The following TEX11 variants were observed in gnomAD, a reference collection of about 807,000 sequenced individuals.
TEX11 encodes testis-expressed protein 11.
A neutral mutation model predicts 84.4 loss-of-function variants in TEX11; 7 were observed. The observed-to-expected ratio is 0.08, with a 90% CI of 0.05 to 0.16. TEX11 has a LOEUF of 0.16. Among genes scored for constraint, TEX11 ranks in the 10% least tolerant of loss-of-function variants. The pLI is 1.00. For synonymous variants in TEX11, 264 were observed against 222.8 expected (o/e 1.18, Z -1.64); for missense variants, 551 against 660.5 (o/e 0.83, Z 1.82).
chrX:70,595,229 C>T (rs1236943723), intron 24 of TEX11, among the ~76,000 whole-genome samples: 1 of 110,276 alleles, frequency 9.1e-6, no homozygotes, highest in Non-Finnish European at 1.9e-5. Flanking sequence ...TTATAGGCAC[C>T]TGCCACCATG....
rs1343605487 is a variant in TEX11, at chrX:70,673,891, A to G, written c.1243-3377T>C. Among the ~76,000 whole-genome samples, 3 of 111,086 alleles carry G rather than the reference A, an allele frequency of 2.7e-5. No homozygotes were observed. The East Asian group carries it at 8.5e-4, about 31-fold the overall frequency. On this transcript the variant is annotated intron_variant, in intron 15 of 29. Transcript: ENST00000374333. ...TATTCTCTCTCAGGTTGTTTTGGCT[A>G]TTTTCTTTTTATAATTTTTATTTTA...
intron 27 of TEX11, 77 bp from the exon 28 acceptor site, chrX:70,552,323 G>A: frequency 8.9e-7 from 1 of 1,119,721 alleles, no homozygotes; most frequent in African/African-American, 1.8e-5. Flanking sequence ...GTAAAACCTG[G>A]ATCTCATCCC....
At chrX:70,569,812 C>T (rs12012945) in intron 25 of TEX11, among the ~76,000 whole-genome samples, 14,245 of 110,521 alleles carry the variant, frequency 0.13, 759 homozygotes, top group Middle Eastern at 0.19. Context: ...GTCAGTCTGC[C>T]CCTACTGGGG....
intron 29 of TEX11, among the ~76,000 whole-genome samples, 168 bp from the exon 30 acceptor site, chrX:70,529,355 A>G (rs2087855424): frequency 8.9e-6 from 1 of 112,282 alleles, no homozygotes; most frequent in African/African-American, 3.2e-5. Flanking sequence ...GGAATCCCCT[A>G]TTATAAGGGA....
intron 15 of TEX11, 106 bp downstream of exon 15, chrX:70,678,698 A>T (rs775827305): frequency 6.7e-6 from 4 of 593,548 alleles, no homozygotes; most frequent in South Asian, 6.1e-5. Context: ...GTATCTAAAC[A>T]GACAGAGATT....
chrX:70,691,359 G>A (rs1173690338), intron 13 of TEX11, among the ~76,000 whole-genome samples: 1 of 111,975 alleles, frequency 8.9e-6, no homozygotes, highest in Non-Finnish European at 1.9e-5. Context: ...ACAGATATTT[G>A]TGCACTCATA....
chrX:70,514,938 C>A, the TEX11 span, among the ~76,000 whole-genome samples: 1 of 107,975 alleles, frequency 9.3e-6, no homozygotes, highest in Non-Finnish European at 1.9e-5. Context: ...CGTGGTGGGA[C>A]GCGCCTGTAA....
In TEX11 at chrX:70,860,878, T is replaced by C; in HGVS notation, c.303A>G (p.Gln101=). The C allele has an allele frequency of 6.7e-6, 8 of 1,194,365 alleles. No homozygotes were observed. The highest frequency in any genetic ancestry group is 7.9e-6 in the Non-Finnish European group (7 of 887,384). The part of the protein sequence containing the change: ...SMCEASFASE[Q]SIQRLIMMNM... Reference sequence around the variant, plus strand: ...TTACCATAATCAGTCGTTGAATACTTTGTTCTGAGGCAAATGAGGCTTCAC... The same window carrying C: ...TTACCATAATCAGTCGTTGAATACTCTGTTCTGAGGCAAATGAGGCTTCAC... The change falls in exon 5 of 30, where the codon CAA becomes CAG. Residue 101 remains glutamine, a synonymous_variant. Transcript: ENST00000374333.
chrX:70,740,236 T>C (rs1192201593), intron 11 of TEX11, among the ~76,000 whole-genome samples: 1 of 111,688 alleles, frequency 9.0e-6, no homozygotes, highest in Non-Finnish European at 1.9e-5. Context: ...CTCACAGTTC[T>C]GAAGGCTGGG....
At chrX:70,639,258 C>G (rs777181728) in intron 17 of TEX11, among the ~76,000 whole-genome samples, 1 of 111,944 alleles carries the variant, frequency 8.9e-6, no homozygotes, top group African/African-American at 3.2e-5. Context: ...GCACCTGGCT[C>G]GGAGGGTCCT....
chrX:70,582,947 T>C (rs926859512), intron 25 of TEX11, among the ~76,000 whole-genome samples: 3 of 109,183 alleles, frequency 2.7e-5, no homozygotes, highest in Non-Finnish European at 5.7e-5. Flanking sequence ...GGTTTCACCA[T>C]GTTGGCCAGG....
intron 28 of TEX11, among the ~76,000 whole-genome samples, chrX:70,550,784 C>A (rs569577522): frequency 9.0e-6 from 1 of 111,261 alleles, no homozygotes; most frequent in South Asian, 3.8e-4. Context: ...AAAAGGGAAC[C>A]CTTGCACACT....
chrX:70,522,823 A>G, the TEX11 span, among the ~76,000 whole-genome samples: 1 of 110,294 alleles, frequency 9.1e-6, no homozygotes, highest in African/African-American at 3.3e-5. Flanking sequence ...GATTACAGGC[A>G]TGAGCCACCG....
chrX:70,690,674 G>T (rs1361400025), intron 13 of TEX11, among the ~76,000 whole-genome samples: 2 of 111,094 alleles, frequency 1.8e-5, no homozygotes, highest in African/African-American at 3.3e-5. Context: ...CTCCAGCCTG[G>T]GTGCTAAGAG....
At chrX:70,595,911 T>G (rs1353670157) in intron 24 of TEX11, among the ~76,000 whole-genome samples, 1 of 110,234 alleles carries the variant, frequency 9.1e-6, no homozygotes, top group African/African-American at 3.3e-5. Flanking sequence ...CAGAGACAAA[T>G]AAATAGGTTG....
the TEX11 span, among the ~76,000 whole-genome samples, chrX:70,517,589 T>C: frequency 9.0e-6 from 1 of 111,586 alleles, no homozygotes; most frequent in Non-Finnish European, 1.9e-5. Flanking sequence ...TTCTCTTTTT[T>C]TGTTGTGTCT....
intron 9 of TEX11, among the ~76,000 whole-genome samples, chrX:70,772,948 A>T (rs1403804938): frequency 1.8e-5 from 2 of 110,698 alleles, no homozygotes; most frequent in Non-Finnish European, 3.8e-5. Flanking sequence ...TCAGAGGGAC[A>T]AAAAAAGAAT....
intron 5 of TEX11, among the ~76,000 whole-genome samples, chrX:70,855,959 C>T (rs2091534122): frequency 9.0e-6 from 1 of 111,688 alleles, no homozygotes; most frequent in African/African-American, 3.3e-5. Flanking sequence ...AGCCAACCAA[C>T]CTGTGATATT....
chrX:70,553,154 T>C, intron 27 of TEX11, 152 bp downstream of exon 27: 1 of 334,069 alleles, frequency 3.0e-6, no homozygotes, highest in Middle Eastern at 8.5e-4. Flanking sequence ...TGGTCTGTAA[T>C]ACAACTCTCA....
Sources: allele counts gnomAD v4.1 joint callset (sites outside exome capture counted in the v4.1 genomes callset), GRCh38; gene constraint gnomAD v4.1.1; transcripts MANE v1.5; gene names NCBI Gene and HGNC (gene_info 2026-07-23, HGNC 2026-07-21).